CPLX2: variants seen among roughly 807,000 people sequenced by gnomAD.
The protein encoded by CPLX2 is complexin-2.
CPLX2 carries 5 observed loss-of-function variants against 16.3 expected under a neutral mutation model. The observed-to-expected ratio is 0.31, with a 90% confidence interval of 0.16 to 0.64. The LOEUF is 0.64. Among genes scored for constraint, CPLX2 ranks in the 30% least tolerant of loss-of-function variants. The pLI is 0.79. For missense variants in CPLX2, 144 were observed against 181.4 expected, an observed-to-expected ratio of 0.79 and a Z score of 1.18; for synonymous variants, 89 against 73.2, an observed-to-expected ratio of 1.22 and a Z score of -1.10.
chr5:175,797,602 A>G (rs552761273), intron 1 of CPLX2, among the ~76,000 whole-genome samples: 1 of 152,244 alleles, frequency 6.6e-6, no homozygotes, highest in East Asian at 1.9e-4. Context: ...TGTCCCCGGA[A>G]CATCCCTAGA....
intron 2 of CPLX2, among the ~76,000 whole-genome samples, chr5:175,827,975 C>T (rs1183577485): frequency 6.6e-6 from 1 of 152,168 alleles, no homozygotes; most frequent in Admixed American, 6.5e-5. Flanking sequence ...AGGTATAACT[C>T]CTGGATAATT....
At position 175,880,917 on chromosome 5, in the gene CPLX2, C is replaced by G. The variant is rs1755576316; in HGVS notation, c.*872C>G. Reference sequence around the variant, plus strand: ...GTGGCCAAGCTGCCCCCATTCCTATCCACCCCTCTCCCCACCCCGTCCTGT... The same window carrying G: ...GTGGCCAAGCTGCCCCCATTCCTATGCACCCCTCTCCCCACCCCGTCCTGT... On this transcript the variant is annotated 3_prime_UTR_variant, in exon 4 of 4. Transcript: ENST00000393745. 6.5e-6 allele frequency: 1 copy of G among 152,760 alleles called. No individual in the cohort carries two copies. The highest frequency in any genetic ancestry group is 1.5e-5 in the Non-Finnish European group (1 of 68,130). 9.5% of individuals were successfully genotyped at this position (152,760 alleles called of 1,614,324 possible). A position where few individuals can be genotyped will look rare whatever the true frequency, so the allele number is the denominator to read the frequency against.
At chr5:175,811,216 A>G (rs935383831) in intron 2 of CPLX2, among the ~76,000 whole-genome samples, 7 of 152,180 alleles carry the variant, frequency 4.6e-5, no homozygotes, top group Non-Finnish European at 7.4e-5. Flanking sequence ...GAGCCAGCTG[A>G]CTCTGCATTC....
chr5:175,873,189 C>T (rs1283811965), intron 1 of CPLX2, among the ~76,000 whole-genome samples: 1 of 150,866 alleles, frequency 6.6e-6, no homozygotes, highest in Non-Finnish European at 1.5e-5. Flanking sequence ...CGCCTCCTGG[C>T]GGCCTGGCCC....
chr5:175,871,474 A>AGAGAGAGAGAGG (rs1759615489), upstream of CPLX2: 1 of 149,758 alleles, frequency 6.7e-6, no homozygotes, highest in African/African-American at 2.5e-5. Flanking sequence ...AGAGAGAGAG[A>AGAGAGAGAGAGG]GAGAGAGAGA....
chr5:175,883,289 G>T lies in CPLX2; in HGVS notation c.*3244G>T, dbSNP rs1338882325. The T allele has an allele frequency of 1.3e-5, 2 of 152,234 alleles. No individual in the cohort carries two copies. Among genetic ancestry groups the T allele is most frequent in the Non-Finnish European group, 2.9e-5 (2 of 68,116 alleles). 9.4% of individuals were successfully genotyped at this position (152,234 alleles called of 1,614,324 possible). A position where few individuals can be genotyped will look rare whatever the true frequency, so the allele number is the denominator to read the frequency against. On this transcript the variant is annotated 3_prime_UTR_variant, in exon 4 of 4. Coordinates refer to ENST00000393745, the MANE Select transcript of CPLX2 (RefSeq NM_001008220.2). Reference sequence around the variant, plus strand: ...TGACAGGTCAGGATCTCCAAACATGGACGTCCTCCCCTCCAAATCCAGAAG... The same window carrying T: ...TGACAGGTCAGGATCTCCAAACATGTACGTCCTCCCCTCCAAATCCAGAAG...
chr5:175,818,418 C>A (rs1212124480), intron 2 of CPLX2, among the ~76,000 whole-genome samples: 1 of 151,998 alleles, frequency 6.6e-6, no homozygotes, highest in Non-Finnish European at 1.5e-5. Context: ...TAGGAGGAAG[C>A]CATGGAAGGG....
chr5:175,832,305 A>G (rs1758748686), intron 2 of CPLX2, among the ~76,000 whole-genome samples: 1 of 152,222 alleles, frequency 6.6e-6, no homozygotes, highest in South Asian at 2.1e-4. Context: ...CATGCTTGCA[A>G]CAACACAGAG....
At chr5:175,836,254 G>C (rs745997749) in intron 2 of CPLX2, among the ~76,000 whole-genome samples, 7 of 152,182 alleles carry the variant, frequency 4.6e-5, no homozygotes, top group Non-Finnish European at 1.0e-4. Context: ...GGAGGCTGAG[G>C]CAGGAGAATG....
At chr5:175,874,151 T>G (rs1458566272) in intron 1 of CPLX2, among the ~76,000 whole-genome samples, 2 of 152,070 alleles carry the variant, frequency 1.3e-5, no homozygotes, top group African/African-American at 4.8e-5. Context: ...TTAGGAAGAT[T>G]AATTGGATGG....
At position 175,839,427 on chromosome 5, in the gene CPLX2, G is replaced by A. The variant is rs1183149516; in HGVS notation, c.-89+30359G>A. 4.0e-5 allele frequency among the ~76,000 whole-genome samples: 6 copies of A among 151,780 alleles called. 1 individual carries two copies. Among genetic ancestry groups the A allele is most frequent in the Non-Finnish European group, 4.4e-5 (3 of 67,932 alleles). The stretch of plus-strand genomic sequence containing the variant: ...CAGCCTCCCAAGTAGCTGGGATTAC[G>A]GGCATGCACCACCATGCCCGGCTAA... On this transcript the variant is annotated intron_variant, in intron 2 of 4. Transcript: ENST00000359546.
chr5:175,865,810 G>A (rs574941443), intron 2 of CPLX2, among the ~76,000 whole-genome samples: 213 of 152,344 alleles, frequency 1.4e-3, no homozygotes, highest in African/African-American at 4.9e-3. Context: ...CTGGGCTTCC[G>A]TGTCAGAGAT....
intron 2 of CPLX2, among the ~76,000 whole-genome samples, chr5:175,852,151 G>A (rs1202952013): frequency 1.3e-5 from 2 of 152,170 alleles, no homozygotes; most frequent in Non-Finnish European, 2.9e-5. Flanking sequence ...CCTGAGGGTA[G>A]GCAGTCCAAC....
Position 175,830,434 on chromosome 5 carries a change from G to A in CPLX2, c.-89+21366G>A, listed in dbSNP as rs368027319. Among the ~76,000 whole-genome samples the A allele has an allele frequency of 1.8e-4, 28 of 152,310 alleles. 1 individual carries two copies. The South Asian group carries it at 5.0e-3, about 27-fold the overall frequency. On this transcript the variant is annotated intron_variant, in intron 2 of 4. Transcript: ENST00000359546. The surrounding 1 kb of genome is among the most constrained non-coding windows in gnomAD (Gnocchi z 4.0). Reference sequence around the variant, plus strand: ...CATGCCTGTCTCCTTCCCCGCCCCCGGAGGTGCGTGATGCCCCCACAGAGG... The same window carrying A: ...CATGCCTGTCTCCTTCCCCGCCCCCAGAGGTGCGTGATGCCCCCACAGAGG...
At chr5:175,819,004 T>A (rs1274978799) in intron 2 of CPLX2, among the ~76,000 whole-genome samples, 1 of 152,174 alleles carries the variant, frequency 6.6e-6, no homozygotes, top group Non-Finnish European at 1.5e-5. Flanking sequence ...TTTTTGAACT[T>A]CATATAAATG....
chr5:175,808,231 CATCT>C (rs1758248348), intron 1 of CPLX2, among the ~76,000 whole-genome samples: 1 of 152,190 alleles, frequency 6.6e-6, no homozygotes, highest in Admixed American at 6.5e-5. Context: ...TCAGTATTTT[CATCT>C]ATCAAATGAG....
chr5:175,880,110 T>C lies in CPLX2; in HGVS notation c.*65T>C, dbSNP rs1393320660. 1.3e-6 allele frequency: 2 copies of C among 1,525,006 alleles called. No individual in the cohort carries two copies. The highest frequency in any genetic ancestry group is 4.9e-5 in the East Asian group (2 of 41,146). 94.5% of individuals were successfully genotyped at this position (1,525,006 alleles called of 1,614,324 possible). ...TCTTTTTGGTTCTTTCTTTTCTTTT[T>C]ATTAGGTTAAGTCTCAATTCTGAAG... On this transcript the variant is annotated 3_prime_UTR_variant, in exon 4 of 4. Coordinates refer to ENST00000393745, the MANE Select transcript of CPLX2 (RefSeq NM_001008220.2).
intron 1 of CPLX2, among the ~76,000 whole-genome samples, chr5:175,874,017 C>T (rs570318210): frequency 5.9e-5 from 9 of 152,168 alleles, no homozygotes; most frequent in African/African-American, 1.7e-4. Context: ...AGGTGGCACA[C>T]GAGCAGCAAG....
intron 2 of CPLX2, among the ~76,000 whole-genome samples, chr5:175,818,967 C>T (rs1279473536): frequency 2.0e-5 from 3 of 152,084 alleles, no homozygotes; most frequent in Non-Finnish European, 4.4e-5. Flanking sequence ...CCGGCCCCGA[C>T]TTCTAATTTC....
Sources: gnomAD v4.1 joint callset for allele counts (sites outside exome capture counted in the v4.1 genomes callset) on GRCh38, gnomAD v4.1.1 for gene constraint, Gnocchi (gnomAD v3.1) non-coding constraint, MANE v1.5 for transcripts, NCBI Gene and HGNC (gene_info 2026-07-23, HGNC 2026-07-21) for gene names.